KCNQ3: variants seen among roughly 807,000 people sequenced by gnomAD.
The protein encoded by KCNQ3 is potassium voltage-gated channel subfamily Q member 3.
Under a neutral mutation model 92.5 loss-of-function variants are expected in KCNQ3, and 30 were observed. That is an observed-to-expected ratio of 0.32 (90% CI 0.24 to 0.44). KCNQ3 has a LOEUF of 0.44. Among genes scored for constraint, KCNQ3 ranks in the 20% least tolerant of loss-of-function variants. KCNQ3 has a pLI of 1.00. For missense variants in KCNQ3, 913 were observed against 1,140.3 expected (o/e 0.80, Z 2.87); for synonymous variants, 450 against 468.8 (o/e 0.96, Z 0.52).
intron 1 of KCNQ3, among the ~76,000 whole-genome samples, chr8:132,402,482 C>A (rs1820365555): frequency 6.6e-6 from 1 of 152,164 alleles, no homozygotes; most frequent in Admixed American, 6.5e-5. Context: ...TCGTGTATCT[C>A]CTGACAGAGC....
intron 1 of KCNQ3, among the ~76,000 whole-genome samples, chr8:132,273,734 T>C (rs183299518): frequency 2.0e-5 from 3 of 152,332 alleles, no homozygotes; most frequent in African/African-American, 7.2e-5. Flanking sequence ...TTTTGAATGC[T>C]TTGCTGCTTA....
intron 9 of KCNQ3, among the ~76,000 whole-genome samples, chr8:132,162,999 A>C (rs1189243735): frequency 6.6e-6 from 1 of 152,234 alleles, no homozygotes; most frequent in Non-Finnish European, 1.5e-5. Flanking sequence ...CATGATGATC[A>C]TGAATTACAG....
intron 1 of KCNQ3, among the ~76,000 whole-genome samples, chr8:132,320,769 C>T (rs1485055188): frequency 1.3e-5 from 2 of 152,090 alleles, no homozygotes; most frequent in African/African-American, 4.8e-5. Context: ...GAATCCAAGG[C>T]TGCTGTTATT....
chr8:132,231,723 T>C (rs1202797574), intron 1 of KCNQ3, among the ~76,000 whole-genome samples: 1 of 152,250 alleles, frequency 6.6e-6, no homozygotes, highest in Non-Finnish European at 1.5e-5. Flanking sequence ...CTATGATATT[T>C]TGTTATGGTA....
At chr8:132,206,647 G>A (rs1813667070) in intron 1 of KCNQ3, among the ~76,000 whole-genome samples, 1 of 152,120 alleles carries the variant, frequency 6.6e-6, no homozygotes, top group African/African-American at 2.4e-5. Flanking sequence ...GTTGCTCATA[G>A]TAACCACTAA....
Position 132,257,745 on chromosome 8 carries a change from C to CAAA in KCNQ3, c.387-71567_387-71565dup, listed in dbSNP as rs1174893538. Among the ~76,000 whole-genome samples the CAAA allele has an allele frequency of 1.4e-3, 108 of 76,572 alleles. 3 individuals are homozygous for CAAA. The highest frequency in any genetic ancestry group is 7.2e-3 in the Middle Eastern group (1 of 138). The allele number at this position is 76,572 out of a possible 152,430, so 50.2% of individuals were successfully genotyped here. ...CTGGTGATAGAGTGAGACTCCAGCT[C>CAAA]AAAAAAAAAAAAAAAAAAAAAGAGA... is the stretch of plus-strand genomic sequence containing the variant. On this transcript the variant is annotated intron_variant, in intron 1 of 14. Transcript: ENST00000388996.
At chr8:132,345,020 C>T (rs1446996218) in intron 1 of KCNQ3, among the ~76,000 whole-genome samples, 1 of 152,160 alleles carries the variant, frequency 6.6e-6, no homozygotes, top group African/African-American at 2.4e-5. Context: ...TACAGTTTCA[C>T]TAGAGCATGC....
intron 9 of KCNQ3, among the ~76,000 whole-genome samples, chr8:132,158,712 A>G (rs1474115731): frequency 6.6e-6 from 1 of 152,144 alleles, no homozygotes; most frequent in East Asian, 1.9e-4. Context: ...TCATCTATAA[A>G]ATGGGGATTA....
intron 1 of KCNQ3, among the ~76,000 whole-genome samples, chr8:132,334,213 G>A (rs979822532): frequency 4.6e-5 from 7 of 152,080 alleles, no homozygotes; most frequent in Non-Finnish European, 1.0e-4. Context: ...CGGGTGTGGT[G>A]ACTCACACCT....
chr8:132,290,968 A>G (rs943992288), intron 1 of KCNQ3, among the ~76,000 whole-genome samples: 1 of 152,184 alleles, frequency 6.6e-6, no homozygotes, highest in Admixed American at 6.5e-5. Context: ...CAGGAGATAC[A>G]GTGCCATGGA....
Position 132,468,527 on chromosome 8 carries a change from C to T in KCNQ3, c.386+11620G>A, listed in dbSNP as rs530726145. Among the ~76,000 whole-genome samples, 7 of 152,290 alleles carry T rather than the reference C, an allele frequency of 4.6e-5. No homozygotes were observed. The South Asian group carries it at 1.5e-3, about 32-fold the overall frequency. On this transcript the variant is annotated intron_variant, in intron 1 of 14. Coordinates refer to ENST00000388996, the MANE Select transcript of KCNQ3 (RefSeq NM_004519.4). ...GGGTAGGACACCAGCTTAGGAGAAC[C>T]GGGTTTGGTGATTTGCAAGCAGGCA...
chr8:132,329,745 G>A (rs898003875), intron 1 of KCNQ3, among the ~76,000 whole-genome samples: 2 of 152,184 alleles, frequency 1.3e-5, no homozygotes, highest in Admixed American at 6.5e-5. Context: ...TTGACACAGT[G>A]TTCCCCAAAC....
chr8:132,359,518 C>T (rs1296775967), intron 1 of KCNQ3, among the ~76,000 whole-genome samples: 5 of 152,124 alleles, frequency 3.3e-5, no homozygotes, highest in Admixed American at 2.6e-4. Context: ...CACCATGTTA[C>T]GATGCCTCTT....
At chr8:132,261,503 T>TG (rs1463036626) in intron 1 of KCNQ3, among the ~76,000 whole-genome samples, 9 of 151,956 alleles carry the variant, frequency 5.9e-5, no homozygotes, top group Non-Finnish European at 1.0e-4. Flanking sequence ...CCCACAATGG[T>TG]GGGGAATGTT....
At chr8:132,132,373 A>C in intron 13 of KCNQ3, 109 bp from the exon 14 acceptor site, 1 of 817,816 alleles carries the variant, frequency 1.2e-6, no homozygotes, top group Non-Finnish European at 2.1e-6. Flanking sequence ...TCACCCTCAC[A>C]CTTGTGTGGC....
intron 1 of KCNQ3, among the ~76,000 whole-genome samples, chr8:132,206,924 C>T (rs1276728875): frequency 6.6e-6 from 1 of 151,990 alleles, no homozygotes; most frequent in African/African-American, 2.4e-5. Context: ...CTTTAAGATG[C>T]ATTCTTAGAT....
chr8:132,401,585 A>G (rs1235361202), intron 1 of KCNQ3, among the ~76,000 whole-genome samples: 2 of 152,174 alleles, frequency 1.3e-5, no homozygotes, highest in Non-Finnish European at 2.9e-5. Context: ...CATGTTGGCC[A>G]GGATGGTCTT....
chr8:132,180,135 G>T (rs1015361281), intron 4 of KCNQ3, 22 bp downstream of exon 4: 125 of 1,613,458 alleles, frequency 7.7e-5, no homozygotes, highest in Non-Finnish European at 9.9e-5. Context: ...ATGTGGTCCT[G>T]CAGTTTCTCC....
At chr8:132,309,322 A>T (rs1429994574) in intron 1 of KCNQ3, among the ~76,000 whole-genome samples, 2 of 152,190 alleles carry the variant, frequency 1.3e-5, no homozygotes, top group Non-Finnish European at 2.9e-5. Flanking sequence ...CACTATTATT[A>T]TCTCCTGCTG....
Sources: allele counts gnomAD v4.1 joint callset (sites outside exome capture counted in the v4.1 genomes callset), GRCh38; gene constraint gnomAD v4.1.1; transcripts MANE v1.5; gene names NCBI Gene and HGNC (gene_info 2026-07-23, HGNC 2026-07-21).